The following PALLD variants were observed in gnomAD, a reference collection of about 807,000 sequenced individuals.
The protein encoded by PALLD is palladin, cytoskeletal associated protein, also known as palladin.
Under a neutral mutation model 123.5 loss-of-function variants are expected in PALLD, and 61 were observed. That is an observed-to-expected ratio of 0.49 (90% CI 0.40 to 0.61). The LOEUF (loss-of-function observed/expected upper bound fraction) is 0.61. Among genes scored for constraint, PALLD ranks in the 20% least tolerant of loss-of-function variants. The probability of loss-of-function intolerance (pLI) is 0.00; values close to 1 mark genes in which losing one functional copy is unlikely to be tolerated. For synonymous variants in PALLD, 465 were observed against 496.4 expected, an observed-to-expected ratio of 0.94 and a Z score of 0.84; for missense variants, 1,273 against 1,377.0, an observed-to-expected ratio of 0.92 and a Z score of 1.20.
At chr4:168,877,997 T>A (rs1752016118) in intron 10 of PALLD, 1 of 1,499,180 alleles carries the variant, frequency 6.7e-7, no homozygotes. Flanking sequence ...CGGGCCCGCG[T>A]CGGGCCACGG....
At chr4:168,538,424 A>C (rs1039582834) in intron 2 of PALLD, among the ~76,000 whole-genome samples, 3 of 151,212 alleles carry the variant, frequency 2.0e-5, no homozygotes, top group Admixed American at 6.6e-5. Flanking sequence ...TTCCAAGTTC[A>C]GAACAATTTG....
At chr4:168,725,856 A>G (rs566712470) in intron 10 of PALLD, among the ~76,000 whole-genome samples, 2 of 152,326 alleles carry the variant, frequency 1.3e-5, no homozygotes, top group African/African-American at 4.8e-5. Flanking sequence ...ATAAAGTTTT[A>G]GAAAAAACTA....
At chr4:168,867,569 C>A (rs1750475367) in intron 10 of PALLD, among the ~76,000 whole-genome samples, 1 of 152,150 alleles carries the variant, frequency 6.6e-6, no homozygotes, top group African/African-American at 2.4e-5. Context: ...GTCCCCCCTC[C>A]ACCTCATTCT....
intron 10 of PALLD, among the ~76,000 whole-genome samples, chr4:168,788,648 G>A (rs747623419): frequency 1.3e-5 from 2 of 152,122 alleles, no homozygotes; most frequent in Non-Finnish European, 2.9e-5. Context: ...TGTGTCATGA[G>A]GGTCATCAGT....
rs199930298 is a variant in PALLD, at chr4:168,833,762, AT to A, written c.1965-57153del. ...TTTTTTTTCACATCCCCCCAAAACA[AT>A]TTTTTTCCCCCTTCAGACTTGGCAG... On this transcript the variant is annotated intron_variant, in intron 10 of 21. Transcript: ENST00000505667. 6.4e-3 allele frequency among the ~76,000 whole-genome samples: 969 copies of A among 150,708 alleles called. 14 individuals carry two copies. Among genetic ancestry groups the A allele is most frequent in the African/African-American group, 0.022 (899 of 40,970 alleles).
At chr4:168,587,240 A>G (rs1770922145) in intron 2 of PALLD, among the ~76,000 whole-genome samples, 1 of 152,226 alleles carries the variant, frequency 6.6e-6, no homozygotes, top group South Asian at 2.1e-4. Flanking sequence ...GAGTCTAGGG[A>G]TTTGGAAAAT....
chr4:168,600,008 T>TACATACATGTGTGTACACAC (rs1772407726), intron 2 of PALLD, among the ~76,000 whole-genome samples: 1 of 132,346 alleles, frequency 7.6e-6, no homozygotes, highest in Non-Finnish European at 1.6e-5. Context: ...CACACGTATA[T>TACATACATGTGTGTACACAC]ACATACATGT....
chr4:168,793,137 ACATATATATGTGTG>A (rs370385038), intron 10 of PALLD, among the ~76,000 whole-genome samples: 5,094 of 138,312 alleles, frequency 0.037, 384 homozygotes, highest in African/African-American at 0.12. Context: ...GCATATATAT[ACATATATATGTGTG>A]CATATATATA....
chr4:168,593,436 CA>C (rs771493669), intron 2 of PALLD, among the ~76,000 whole-genome samples: 39 of 103,322 alleles, frequency 3.8e-4, no homozygotes, highest in Middle Eastern at 0.01. Context: ...AGTCACCAGG[CA>C]AAAAAAAAAG....
intron 2 of PALLD, among the ~76,000 whole-genome samples, chr4:168,575,577 G>A (rs932682131): frequency 1.3e-5 from 2 of 151,868 alleles, no homozygotes; most frequent in African/African-American, 4.8e-5. Flanking sequence ...ATTTTTTATT[G>A]GTGAGGTCTG....
At chr4:168,876,919 A>C (rs1751825190) in intron 10 of PALLD, among the ~76,000 whole-genome samples, 1 of 152,212 alleles carries the variant, frequency 6.6e-6, no homozygotes, top group Non-Finnish European at 1.5e-5. Flanking sequence ...GTGAGATATT[A>C]GATCATTGCT....
rs1735685831 is a variant in PALLD at position 168,780,050 on chromosome 4, C to T, written c.1964+68127C>T. Among the ~76,000 whole-genome samples, 6 of 152,074 alleles carry T rather than the reference C, an allele frequency of 3.9e-5. 1 individual carries two copies. Among genetic ancestry groups the T allele is most frequent in the Admixed American group, 3.9e-4 (6 of 15,270 alleles). ...AGTAGCTGGGATTACAGGTGTGTGC[C>T]ACCATGCCCGACTAATTTTGGTATT... On this transcript the variant is annotated intron_variant, in intron 10 of 21. Transcript: ENST00000505667.
At chr4:168,533,727 A>T in intron 2 of PALLD, among the ~76,000 whole-genome samples, 1 of 152,154 alleles carries the variant, frequency 6.6e-6, no homozygotes, top group East Asian at 1.9e-4. Context: ...CAAGAAAGAA[A>T]AGGACTCATG....
intron 2 of PALLD, among the ~76,000 whole-genome samples, chr4:168,590,114 G>A (rs139224267): frequency 6.6e-6 from 1 of 152,246 alleles, no homozygotes; most frequent in African/African-American, 2.4e-5. Context: ...AAGGCGGGGG[G>A]ATCACCTGAG....
At chr4:168,751,780 T>G (rs1731094195) in intron 10 of PALLD, among the ~76,000 whole-genome samples, 1 of 152,144 alleles carries the variant, frequency 6.6e-6, no homozygotes, top group South Asian at 2.1e-4. Flanking sequence ...CTGTAGTTAT[T>G]TATAAATAGT....
At chr4:168,909,119 A>AGGATCACAAATACAGTTT (rs1470182706) in intron 15 of PALLD, among the ~76,000 whole-genome samples, 1 of 152,218 alleles carries the variant, frequency 6.6e-6, no homozygotes, top group African/African-American at 2.4e-5. Context: ...TGCCAAAATG[A>AGGATCACAAATACAGTTT]GGATCACAAA....
intron 10 of PALLD, among the ~76,000 whole-genome samples, chr4:168,718,172 C>T (rs1395570891): frequency 6.6e-6 from 1 of 152,190 alleles, no homozygotes; most frequent in Non-Finnish European, 1.5e-5. Context: ...TGAACATTAT[C>T]CCGTCCTTCA....
chr4:168,637,536 C>T (rs1472967461), intron 2 of PALLD, among the ~76,000 whole-genome samples: 2 of 151,078 alleles, frequency 1.3e-5, no homozygotes, highest in Non-Finnish European at 2.9e-5. Flanking sequence ...GATCAGAAGA[C>T]AAGTAATTAT....
At chr4:168,533,374 A>G (rs1162815997) in intron 2 of PALLD, among the ~76,000 whole-genome samples, 1 of 152,198 alleles carries the variant, frequency 6.6e-6, no homozygotes, top group African/African-American at 2.4e-5. Flanking sequence ...CTACAGTAAT[A>G]GAAATTAGGG....
Sources: gnomAD v4.1 joint callset for allele counts (sites outside exome capture counted in the v4.1 genomes callset) on GRCh38, gnomAD v4.1.1 for gene constraint, MANE v1.5 for transcripts, NCBI Gene and HGNC (gene_info 2026-07-23, HGNC 2026-07-21) for gene names.